CIDEB: variants seen among roughly 807,000 people sequenced by gnomAD.
CIDEB encodes lipid transferase CIDEB.
CIDEB carries 27 observed loss-of-function variants against 22.4 expected under a neutral mutation model. The observed-to-expected ratio is 1.21, with a 90% CI of 0.89 to 1.66. The LOEUF (loss-of-function observed/expected upper bound fraction) is 1.66, where lower values mean the gene tolerates loss of function less well. CIDEB is among the 40% of genes most tolerant of loss of function. The pLI, the probability that CIDEB is intolerant of heterozygous loss-of-function variation, is 0.00. For missense variants in CIDEB, 289 were observed against 268.7 expected, an observed-to-expected ratio of 1.08 and a Z score of -0.53; for synonymous variants, 103 against 109.5, an observed-to-expected ratio of 0.94 and a Z score of 0.37.
rs1420508291 is a variant in CIDEB, at chr14:24,305,729, G to C, written c.564C>G (p.Gly188=). The C allele has an allele frequency of 6.2e-7, 1 of 1,614,184 alleles. No homozygotes were observed. Among genetic ancestry groups the C allele is most frequent in the Non-Finnish European group, 8.5e-7 (1 of 1,180,020 alleles). Residue 188 remains glycine, a synonymous_variant, in exon 5 of 5, where the codon GGC becomes GGG. Transcript: ENST00000554411. ...AAATTCCCAGCAACATATGGCCCAG[G>C]CCTTGCAGCAGTGTGGAGGTCCAAC... The part of the protein sequence containing the change: ...LLRWTSTLLQ[G]LGHMLLGISS...
At chr14:24,306,634 A>C (rs1405001836) in intron 2 of CIDEB, 111 bp from the exon 3 acceptor site, 2 of 1,365,924 alleles carry the variant, frequency 1.5e-6, no homozygotes, top group Non-Finnish European at 2.0e-6. Flanking sequence ...TCCCACTTTG[A>C]CTTTCCGGCA....
At chr14:24,306,834 T>C (rs2041525792) in intron 2 of CIDEB, 1 of 422,386 alleles carries the variant, frequency 2.4e-6, no homozygotes, top group Non-Finnish European at 4.4e-6. Context: ...TTCTGTCTTA[T>C]CTACAATGCT....
upstream of CIDEB, chr14:24,310,488 T>G: frequency 4.1e-6 from 3 of 734,730 alleles, no homozygotes; most frequent in Non-Finnish European, 4.9e-6. Context: ...GAAGGAGTTG[T>G]GTTTGAGGTG....
upstream of CIDEB, chr14:24,309,499 C>G (rs1211656084): frequency 6.6e-6 from 1 of 152,222 alleles, no homozygotes; most frequent in Non-Finnish European, 1.5e-5. Context: ...CCAAGTTTTG[C>G]TTGACTTTTC....
intron 2 of CIDEB, chr14:24,307,098 T>C (rs2041534113): frequency 5.6e-6 from 2 of 356,718 alleles, no homozygotes; most frequent in South Asian, 1.3e-4. Context: ...TGAACTTGAT[T>C]TGTCACACAA....
chr14:24,306,066 A>C lies in CIDEB; in HGVS notation c.408T>G (p.Phe136Leu). The C allele has an allele frequency of 6.2e-7, 1 of 1,614,140 alleles. No individual in the cohort carries two copies. Among genetic ancestry groups the C allele is most frequent in the South Asian group, 1.1e-5 (1 of 91,076 alleles). ...KHSKDIARFT[F>L]DVYKQNPRDL... ...CTCGAGGGTTTTGCTTGTACACGTC[A>C]AAGGTGAATCGGGCGATGTCCTTGC... Residue 136 changes from phenylalanine (F) to leucine (L), a missense_variant, in exon 4 of 5, where the codon TTT becomes TTG. Coordinates refer to ENST00000554411, the MANE Select transcript of CIDEB (RefSeq NM_001393339.1).
In CIDEB at chr14:24,307,386, C is replaced by T. The variant is rs1036340627; in HGVS notation, c.171G>A (p.Gln57=). Residue 57 remains glutamine (Q), a synonymous_variant, in exon 2 of 5, where the codon CAG becomes CAA. Transcript: ENST00000554411. ...IRKGLTAATR[Q]ELLAKALETL... is the part of the protein sequence containing the mutation. The stretch of plus-strand genomic sequence containing the variant: ...GCCTACTTACTTTGGCTAGCAGCTC[C>T]TGGCGGGTGGCAGCTGTCAGGCCTT... 2.5e-6 allele frequency: 4 copies of T among 1,613,764 alleles called. No individual in the cohort carries two copies. Among genetic ancestry groups the T allele is most frequent in the Non-Finnish European group, 3.4e-6 (4 of 1,179,810 alleles).
rs2041469815 is a variant in CIDEB, at chr14:24,305,509, G to A, written c.*124C>T. On this transcript the variant is annotated 3_prime_UTR_variant, in exon 5 of 5. Transcript: ENST00000554411. ...AAGGTTCTGTCACGAGGGGATCAGAGGACAGTGGGGAAATTGGGTGGGTTA... is the reference window on the plus strand; with the variant it reads ...AAGGTTCTGTCACGAGGGGATCAGAAGACAGTGGGGAAATTGGGTGGGTTA... 8.4e-7 allele frequency: 1 copy of A among 1,192,770 alleles called. No homozygotes were observed. Among genetic ancestry groups the A allele is most frequent in the Non-Finnish European group, 1.2e-6 (1 of 845,604 alleles). The allele number at this position is 1,192,770 out of a possible 1,614,324, so 73.9% of individuals were successfully genotyped here.
chr14:24,306,103 C>T lies in CIDEB; in HGVS notation c.371G>A (p.Arg124Lys). The T allele has an allele frequency of 1.2e-6, 2 of 1,614,030 alleles. No homozygotes were observed. Among genetic ancestry groups the T allele is most frequent in the African/African-American group, 1.3e-5 (1 of 75,028 alleles). Residue 124 changes from arginine (R) to lysine (K), a missense_variant, in exon 4 of 5, where the codon AGG becomes AAG. Physicochemically the swap from Arg to Lys is conservative, Grantham distance 26. Coordinates refer to ENST00000554411, the MANE Select transcript of CIDEB (RefSeq NM_001393339.1). Reference protein sequence around the residue: ...GVLSYGLGRERPKHSKDIARF... With the variant: ...GVLSYGLGREKPKHSKDIARF... ...GGCGATGTCCTTGCTGTGCTTGGGCCTCTCCCGTCCCAGGCCATATGACAG... is the reference window on the plus strand; with the variant it reads ...GGCGATGTCCTTGCTGTGCTTGGGCTTCTCCCGTCCCAGGCCATATGACAG...
intron 2 of CIDEB, 118 bp downstream of exon 2, chr14:24,307,253 C>G: frequency 2.6e-5 from 31 of 1,184,394 alleles, no homozygotes; most frequent in Non-Finnish European, 3.5e-5. Flanking sequence ...GCTTTTAGCC[C>G]TCAGAGGGAG....
At chr14:24,310,369 T>G (rs2041650259), upstream of CIDEB, 3 of 608,948 alleles carry the variant, frequency 4.9e-6, no homozygotes, top group South Asian at 5.9e-5. Context: ...GTGGTAGAGA[T>G]AGTGACAGCC....
chr14:24,311,010 A>G (rs201778907), upstream of CIDEB: 252 of 1,586,120 alleles, frequency 1.6e-4, no homozygotes, highest in African/African-American at 2.9e-3. Flanking sequence ...CGGCCTGCTC[A>G]GCCTGCAGCG....
Position 24,307,510 on chromosome 14 carries a change from A to G in CIDEB, c.47T>C (p.Val16Ala), listed in dbSNP as rs1162773942. Residue 16 changes from valine (V) to alanine (A), a missense_variant, in exon 2 of 5, where the codon GTA becomes GCA. Coordinates refer to ENST00000554411, the MANE Select transcript of CIDEB (RefSeq NM_001393339.1). ...ALNPSDLLRS[V>A]SNISSEFGRR... ...TCCAAACTCCGAGCTTATATTAGAT[A>G]CTGACCTGGTAGTTGAGAAGAAAAG... 5 of 1,613,460 alleles carry G rather than the reference A, an allele frequency of 3.1e-6. No individual in the cohort carries two copies. In the South Asian group the frequency reaches 4.4e-5, roughly 14 times the overall value.
chr14:24,307,013 T>C (rs2332320), intron 2 of CIDEB: 34,713 of 249,348 alleles, frequency 0.14, 3,851 homozygotes, highest in East Asian at 0.56. Context: ...CTTTTTATAG[T>C]TGAAGAAACT....
chr14:24,307,594 C>G, intron 1 of CIDEB, 79 bp from the exon 2 acceptor site: 1 of 1,513,328 alleles, frequency 6.6e-7, no homozygotes, highest in Admixed American at 1.8e-5. Context: ...GGTAGAGTGG[C>G]TAGAGGGCTA....
At chr14:24,307,266 G>C in intron 2 of CIDEB, 105 bp downstream of exon 2, 1 of 1,263,412 alleles carries the variant, frequency 7.9e-7, no homozygotes, top group Non-Finnish European at 1.1e-6. Context: ...AGAGGGAGGG[G>C]CAGCTGTGTG....
rs1311520139 is a variant in CIDEB, at chr14:24,307,851, T to TAC, written c.6_7dup (p.Tyr3CysfsTer6). 3.8e-6 allele frequency: 6 copies of TAC among 1,592,914 alleles called. No individual in the cohort carries two copies. The highest frequency in any genetic ancestry group is 5.1e-6 in the Non-Finnish European group (6 of 1,169,316). On this transcript the variant is annotated frameshift_variant, in exon 1 of 5. Coordinates refer to ENST00000554411, the MANE Select transcript of CIDEB (RefSeq NM_001393339.1). LOFTEE classifies it high-confidence loss of function. ...GTCACTGGGGTTCAGAGCTGAGAGG[T>TAC]ACTCCATGGTGGACCGGAGAGTTCC...
rs200020997 is a variant in CIDEB at position 24,306,382 on chromosome 14, G to T, written c.328C>A (p.Pro110Thr). Residue 110 changes from proline to threonine, a missense_variant, in exon 3 of 5, where the codon CCT (proline) becomes ACT (threonine). Transcript: ENST00000554411. Reference sequence around the variant, plus strand: ...CAGTATAGGCCTCTTACCCTTGTAGGGCTCCAGCTCTGACCAGACTGCAAC... The same window carrying T: ...CAGTATAGGCCTCTTACCCTTGTAGTGCTCCAGCTCTGACCAGACTGCAAC... ...MVLQSGQSWS[P>T]TRSGVLSYGL... 1.9e-5 allele frequency: 31 copies of T among 1,614,158 alleles called. No homozygotes were observed. Among genetic ancestry groups the T allele is most frequent in the Non-Finnish European group, 2.2e-5 (26 of 1,180,032 alleles).
upstream of CIDEB, chr14:24,310,384 G>A: frequency 1.6e-6 from 1 of 617,496 alleles, no homozygotes; most frequent in South Asian, 1.9e-5. Context: ...ACAGCCTGGG[G>A]TGATGACTTT....
Sources: gnomAD v4.1 joint callset for allele counts on GRCh38, gnomAD v4.1.1 for gene constraint, MANE v1.5 for transcripts, NCBI Gene and HGNC (gene_info 2026-07-23, HGNC 2026-07-21) for gene names.